PTPRS: variants seen among roughly 807,000 people sequenced by gnomAD.
The protein encoded by PTPRS is receptor-type tyrosine-protein phosphatase S.
Under a neutral mutation model 215.3 loss-of-function variants are expected in PTPRS, and 63 were observed. The observed-to-expected ratio is 0.29, with a 90% CI of 0.24 to 0.36. The LOEUF is 0.36. PTPRS is among the 10% of genes least tolerant of loss of function. PTPRS has a pLI of 1.00. For missense variants in PTPRS, 2,258 were observed against 2,825.8 expected (o/e 0.80, Z 4.56); for synonymous variants, 1,404 against 1,191.4 (o/e 1.18, Z -3.68).
intron 1 of PTPRS, among the ~76,000 whole-genome samples, chr19:5,333,901 T>C (rs74174307): frequency 0.062 from 9,394 of 152,180 alleles, 311 homozygotes; most frequent in African/African-American, 0.082. Flanking sequence ...TCGCACACCA[T>C]GCTTGTCAAC....
chr19:5,266,532 A>G (rs1599801991), intron 4 of PTPRS, among the ~76,000 whole-genome samples: 1 of 151,858 alleles, frequency 6.6e-6, no homozygotes, highest in African/African-American at 2.4e-5. Flanking sequence ...ACGCCCGGCT[A>G]ATTTTTGTAC....
chr19:5,229,760 C>G, intron 14 of PTPRS, 76 bp from the exon 15 acceptor site: 4 of 927,312 alleles, frequency 4.3e-6, no homozygotes, highest in Non-Finnish European at 5.6e-6. Context: ...GGCAGTGCCA[C>G]TGTCCGATTC....
chr19:5,233,704 G>A (rs952165631), intron 13 of PTPRS, among the ~76,000 whole-genome samples: 3 of 151,234 alleles, frequency 2.0e-5, no homozygotes, highest in Non-Finnish European at 4.4e-5. Flanking sequence ...AGCACTTTGG[G>A]AGGCCGAGGT....
intron 1 of PTPRS, among the ~76,000 whole-genome samples, chr19:5,330,603 G>A (rs1162808645): frequency 6.6e-6 from 1 of 152,200 alleles, no homozygotes; most frequent in Non-Finnish European, 1.5e-5. Flanking sequence ...CGTTATCAAT[G>A]TGACACCACT....
intron 1 of PTPRS, among the ~76,000 whole-genome samples, chr19:5,333,224 A>AT (rs769265264): frequency 4.6e-5 from 7 of 151,226 alleles, no homozygotes; most frequent in Non-Finnish European, 7.4e-5. Flanking sequence ...GAATCCCAGC[A>AT]TTTTCCGAGG....
At chr19:5,274,885 A>T (rs1380151640) in intron 2 of PTPRS, among the ~76,000 whole-genome samples, 1 of 152,128 alleles carries the variant, frequency 6.6e-6, no homozygotes, top group African/African-American at 2.4e-5. Flanking sequence ...ATGAGGTCAG[A>T]GCCAGTATTT....
intron 16 of PTPRS, among the ~76,000 whole-genome samples, chr19:5,228,911 G>A (rs1308421276): frequency 6.6e-6 from 1 of 152,228 alleles, no homozygotes; most frequent in Admixed American, 6.5e-5. Context: ...AGGCCAGACA[G>A]GGCTGAATTG....
Position 5,338,007 on chromosome 19 carries a change from G to T in PTPRS, c.-95+2657C>A, listed in dbSNP as rs2050560601. Among the ~76,000 whole-genome samples the T allele has an allele frequency of 2.0e-5, 3 of 152,138 alleles. No homozygotes were observed. The highest frequency in any genetic ancestry group is 2.0e-4 in the Admixed American group (3 of 15,280). The stretch of plus-strand genomic sequence containing the variant: ...CTTCAGAGGCTCTCAAGGTTTCCTG[G>T]AGAGGGGGAAATCGTCCCCGGAGCT... On this transcript the variant is annotated intron_variant, in intron 1 of 37. Coordinates refer to ENST00000262963, the MANE Select transcript of PTPRS (RefSeq NM_002850.4). This position sits in a 1 kb window ranked among gnomAD's most constrained non-coding sequence, Gnocchi z 4.2.
intron 9 of PTPRS, among the ~76,000 whole-genome samples, chr19:5,254,959 T>C (rs17130): frequency 0.32 from 48,978 of 152,090 alleles, 8,459 homozygotes; most frequent in East Asian, 0.71. Context: ...GCTGTTATTG[T>C]CCTCTCCCCT....
chr19:5,317,114 C>G (rs541219664), intron 1 of PTPRS, among the ~76,000 whole-genome samples: 3 of 152,198 alleles, frequency 2.0e-5, no homozygotes, highest in Non-Finnish European at 4.4e-5. Context: ...AAGAACCACT[C>G]TACCCAAAAC....
intron 1 of PTPRS, among the ~76,000 whole-genome samples, chr19:5,290,593 C>A (rs1193513491): frequency 6.6e-6 from 1 of 152,082 alleles, no homozygotes; most frequent in Non-Finnish European, 1.5e-5. Context: ...GGGGGCTCCT[C>A]GGGCCAGAGG....
At position 5,271,708 on chromosome 19, in the gene PTPRS, T is replaced by TATTC. The variant is rs532699217; in HGVS notation, c.379+1730_379+1733dup. On this transcript the variant is annotated intron_variant, in intron 4 of 37. Transcript: ENST00000262963. ...CTACCGCGCCCAGCCATTTCATTTT[T>TATTC]ATTCATTCATTCATTCATTCATTCA... is the stretch of plus-strand genomic sequence containing the variant. Among the ~76,000 whole-genome samples the TATTC allele has an allele frequency of 8.9e-3, 1,350 of 151,338 alleles. 28 individuals carry two copies. The highest frequency in any genetic ancestry group is 0.027 in the African/African-American group (1,122 of 41,134).
intron 2 of PTPRS, among the ~76,000 whole-genome samples, chr19:5,284,624 C>A (rs2048181219): frequency 6.6e-6 from 1 of 151,970 alleles, no homozygotes; most frequent in Non-Finnish European, 1.5e-5. Context: ...GGTGGCTGAT[C>A]TGAATGTATA....
intron 14 of PTPRS, among the ~76,000 whole-genome samples, chr19:5,230,705 C>T (rs2042941966): frequency 6.6e-6 from 1 of 152,212 alleles, no homozygotes. Context: ...ATATGATCCT[C>T]CTGCCTTGGC....
At chr19:5,281,081 C>T (rs1301080028) in intron 2 of PTPRS, among the ~76,000 whole-genome samples, 1 of 151,948 alleles carries the variant, frequency 6.6e-6, no homozygotes, top group Non-Finnish European at 1.5e-5. Context: ...TATGAGGCGC[C>T]GCGCCTGGCC....
rs369073402 is a variant in PTPRS, at chr19:5,238,899, C to A, written c.1849+20G>T. 6.4e-7 allele frequency: 1 copy of A among 1,569,810 alleles called. No homozygotes were observed. The stretch of plus-strand genomic sequence containing the variant: ...CCGTGGTCCCTCCCGCAGAGAAGGG[C>A]GGCCCCGCGAGACACCTACTGGACT... On this transcript the variant is annotated intron_variant, in intron 13 of 37. Coordinates refer to ENST00000262963, the MANE Select transcript of PTPRS (RefSeq NM_002850.4).
intron 4 of PTPRS, among the ~76,000 whole-genome samples, chr19:5,269,921 C>CAAAAAAA (rs33953639): frequency 3.6e-5 from 3 of 82,628 alleles, no homozygotes; most frequent in African/African-American, 4.9e-5. Flanking sequence ...AACTCCATCT[C>CAAAAAAA]AAAAAAAAAA....
At chr19:5,296,405 G>A (rs1304600191) in intron 1 of PTPRS, among the ~76,000 whole-genome samples, 1 of 152,160 alleles carries the variant, frequency 6.6e-6, no homozygotes, top group Non-Finnish European at 1.5e-5. Context: ...GAGGCTGAGG[G>A]CGGAAGCATC....
At chr19:5,327,114 C>A (rs548279434) in intron 1 of PTPRS, among the ~76,000 whole-genome samples, 5 of 152,332 alleles carry the variant, frequency 3.3e-5, no homozygotes, top group South Asian at 2.1e-4. Context: ...GCCTGCCCTG[C>A]GACTCGGTCT....
Sources: gnomAD v4.1 joint callset for allele counts (sites outside exome capture counted in the v4.1 genomes callset) on GRCh38, gnomAD v4.1.1 for gene constraint, Gnocchi (gnomAD v3.1) non-coding constraint, MANE v1.5 for transcripts, NCBI Gene and HGNC (gene_info 2026-07-23, HGNC 2026-07-21) for gene names.